The following YTHDF2 variants were observed in gnomAD, a reference collection of about 807,000 sequenced individuals.
The protein encoded by YTHDF2 is YTH N6-methyladenosine RNA binding protein F2.
In YTHDF2, 2 loss-of-function variants were observed where a neutral mutation model predicts 50.4. That is an observed-to-expected ratio of 0.04 (90% confidence interval 0.02 to 0.12). The LOEUF (loss-of-function observed/expected upper bound fraction) is 0.12. Among genes scored for constraint, YTHDF2 ranks in the 10% least tolerant of loss-of-function variants. YTHDF2 has a pLI of 1.00. For missense variants in YTHDF2, 483 were observed against 722.6 expected (o/e 0.67, Z 3.80); for synonymous variants, 217 against 255.6 (o/e 0.85, Z 1.44).
At chr1:28,768,057 CCAGG>C (rs2088245244) in intron 4 of YTHDF2, among the ~76,000 whole-genome samples, 1 of 151,692 alleles carries the variant, frequency 6.6e-6, no homozygotes, top group South Asian at 2.1e-4. Context: ...AAAAAATTAG[CCAGG>C]CATGGTGGCG....
intron 4 of YTHDF2, among the ~76,000 whole-genome samples, chr1:28,761,131 A>T (rs56019812): frequency 0.023 from 2,096 of 91,312 alleles, 38 homozygotes; most frequent in Non-Finnish European, 0.031. Flanking sequence ...GTGTGTGTGT[A>T]TTTTTTTTTT....
At chr1:28,750,191 A>T (rs1400012271) in intron 4 of YTHDF2, among the ~76,000 whole-genome samples, 3 of 151,642 alleles carry the variant, frequency 2.0e-5, no homozygotes, top group Admixed American at 1.3e-4. Flanking sequence ...GGGTTTCACC[A>T]TGTTGGGCAG....
chr1:28,759,849 G>A (rs1469492303), intron 4 of YTHDF2, among the ~76,000 whole-genome samples: 2 of 152,146 alleles, frequency 1.3e-5, no homozygotes, highest in African/African-American at 4.8e-5. Context: ...CCAGCTACTG[G>A]GGAGGCTGAG....
chr1:28,760,673 C>T (rs983454969), intron 4 of YTHDF2, among the ~76,000 whole-genome samples: 6 of 152,010 alleles, frequency 3.9e-5, no homozygotes, highest in Non-Finnish European at 7.4e-5. Context: ...CTCCACCTCC[C>T]AGGTTCAAAC....
At position 28,743,656 on chromosome 1, in the gene YTHDF2, C is replaced by T. The variant is rs368336041; in HGVS notation, c.1386C>T (p.Asn462=). 1.5e-5 allele frequency: 25 copies of T among 1,614,072 alleles called. No individual in the cohort carries two copies. The highest frequency in any genetic ancestry group is 9.3e-5 in the African/African-American group (7 of 74,918). The change falls in exon 4 of 5, where the codon AAC becomes AAT. Residue 462 remains asparagine, a synonymous_variant. Coordinates refer to ENST00000373812, the MANE Select transcript of YTHDF2 (RefSeq NM_016258.3). This position sits in a 1 kb window ranked among gnomAD's most constrained non-coding sequence, Gnocchi z 6.9. The part of the protein sequence containing the change: ...KGPVYLLFSV[N]GSGHFCGVAE... ...CCGTTTACTTACTTTTCAGTGTCAA[C>T]GGCAGTGGACACTTCTGTGGCGTGG... is the stretch of plus-strand genomic sequence containing the variant.
chr1:28,754,674 C>T (rs2088009501), intron 4 of YTHDF2, among the ~76,000 whole-genome samples: 2 of 151,714 alleles, frequency 1.3e-5, no homozygotes, highest in African/African-American at 2.4e-5. Context: ...ATTAGCTGGG[C>T]GTGGTGGTGG....
chr1:28,762,198 C>T (rs2088146712), intron 4 of YTHDF2, among the ~76,000 whole-genome samples: 1 of 152,154 alleles, frequency 6.6e-6, no homozygotes, highest in Non-Finnish European at 1.5e-5. Flanking sequence ...CGAGACCATC[C>T]TGGCTAACAC....
chr1:28,737,164 C>CA lies in YTHDF2; in HGVS notation c.27+18dup. On this transcript the variant is annotated intron_variant, in intron 1 of 4. Transcript: ENST00000373812. ...TTGGAGCAGGTACAGGCCCGGCCCG[C>CA]ATGCCTCGGCCATTGTGTGAGGCGA... The CA allele has an allele frequency of 6.3e-7, 1 of 1,579,704 alleles. No homozygotes were observed. The highest frequency in any genetic ancestry group is 1.8e-5 in the Admixed American group (1 of 56,100).
intron 4 of YTHDF2, among the ~76,000 whole-genome samples, chr1:28,744,280 G>C (rs2087826080): frequency 6.6e-6 from 1 of 152,140 alleles, no homozygotes; most frequent in African/African-American, 2.4e-5. Context: ...GAGTCAAAGA[G>C]ATGCAGAGGG....
chr1:28,753,795 C>G (rs963477836), intron 4 of YTHDF2, among the ~76,000 whole-genome samples: 2 of 151,720 alleles, frequency 1.3e-5, no homozygotes, highest in Admixed American at 1.3e-4. Context: ...CAGCCTCCCC[C>G]TCCCAGGTTC....
chr1:28,746,705 AG>A (rs1337290498), intron 4 of YTHDF2, among the ~76,000 whole-genome samples: 1 of 151,908 alleles, frequency 6.6e-6, no homozygotes, highest in Non-Finnish European at 1.5e-5. Context: ...GGTTGCAGTG[AG>A]CTGAGATCCT....
At chr1:28,744,714 G>A (rs2087832192) in intron 4 of YTHDF2, among the ~76,000 whole-genome samples, 1 of 152,128 alleles carries the variant, frequency 6.6e-6, no homozygotes, top group South Asian at 2.1e-4. Flanking sequence ...TGTTGCCCAG[G>A]CTGGAGTGCA....
upstream of YTHDF2, chr1:28,736,857 T>C: frequency 3.6e-6 from 1 of 279,586 alleles, no homozygotes. Flanking sequence ...GCCGCCCGCC[T>C]CCGCTGTTCG....
In YTHDF2 at chr1:28,743,758, T is replaced by C. The variant is rs1334040940; in HGVS notation, c.1488T>C (p.Asp496=). Residue 496 remains aspartate, a synonymous_variant, in exon 4 of 5, where the codon GAT becomes GAC. Transcript: ENST00000373812. This position sits in a 1 kb window ranked among gnomAD's most constrained non-coding sequence, Gnocchi z 6.9. ...AGGACAAATGGAAGGGTCGTTTTGA[T>C]GTCAGGTGGATTTTTGTGAAGGACG... is the stretch of plus-strand genomic sequence containing the variant. The part of the protein sequence containing the change: ...WSQDKWKGRF[D]VRWIFVKDVP... 1.2e-6 allele frequency: 2 copies of C among 1,613,332 alleles called. No individual in the cohort carries two copies. Among genetic ancestry groups the C allele is most frequent in the African/African-American group, 2.7e-5 (2 of 74,900 alleles).
At chr1:28,737,601 C>T (rs1402509281) in intron 1 of YTHDF2, 57 bp from the exon 2 acceptor site, 28 of 1,612,726 alleles carry the variant, frequency 1.7e-5, no homozygotes, top group East Asian at 2.2e-5. Flanking sequence ...TTTGTTCTTC[C>T]TTTTCCATTT....
At chr1:28,749,316 C>T (rs540901903) in intron 4 of YTHDF2, among the ~76,000 whole-genome samples, 4 of 151,850 alleles carry the variant, frequency 2.6e-5, no homozygotes, top group South Asian at 2.1e-4. Flanking sequence ...CTCAGCCTCT[C>T]GCGTAGCTGG....
intron 4 of YTHDF2, among the ~76,000 whole-genome samples, chr1:28,753,933 C>T (rs542723493): frequency 6.6e-6 from 1 of 152,192 alleles, no homozygotes; most frequent in East Asian, 2.0e-4. Flanking sequence ...TCTCAAACTC[C>T]TGACCTCAGG....
intron 4 of YTHDF2, among the ~76,000 whole-genome samples, chr1:28,768,145 C>T (rs910224524): frequency 1.1e-4 from 17 of 151,908 alleles, no homozygotes; most frequent in African/African-American, 3.9e-4. Context: ...TTGCAGTGAG[C>T]GAAGATCGCG....
At chr1:28,742,063 T>A (rs1166563969) in intron 3 of YTHDF2, among the ~76,000 whole-genome samples, 1 of 152,030 alleles carries the variant, frequency 6.6e-6, no homozygotes, top group Non-Finnish European at 1.5e-5. Context: ...TTTTTTTTCC[T>A]GGAGATGGAG....
Sources: gnomAD v4.1 joint callset for allele counts (sites outside exome capture counted in the v4.1 genomes callset) on GRCh38, gnomAD v4.1.1 for gene constraint, Gnocchi (gnomAD v3.1) non-coding constraint, MANE v1.5 for transcripts, NCBI Gene and HGNC (gene_info 2026-07-23, HGNC 2026-07-21) for gene names.